Variants in MLLT1 observed in about 807,000 individuals in gnomAD.
The protein encoded by MLLT1 is MLLT1 super elongation complex subunit.
Under a neutral mutation model 55.1 loss-of-function variants are expected in MLLT1, and 11 were observed. The observed-to-expected ratio is 0.20, with a 90% CI of 0.13 to 0.33. The LOEUF (loss-of-function observed/expected upper bound fraction) is 0.33, where lower values mean the gene tolerates loss of function less well. Ranked by LOEUF, MLLT1 falls within the 10% of genes least tolerant of loss-of-function variation. The pLI, the probability that MLLT1 is intolerant of heterozygous loss-of-function variation, is 1.00. For synonymous variants in MLLT1, 323 were observed against 320.1 expected (o/e 1.01, Z -0.10); for missense variants, 536 against 760.6 (o/e 0.70, Z 3.47).
intron 10 of MLLT1, 54 bp downstream of exon 10, chr19:6,213,672 T>A: frequency 9.3e-7 from 1 of 1,075,344 alleles, no homozygotes; most frequent in South Asian, 1.3e-5. Flanking sequence ...TGGCTGCAAC[T>A]CCCACCACCC....
intron 1 of MLLT1, among the ~76,000 whole-genome samples, chr19:6,276,296 T>C (rs2091427779): frequency 6.6e-6 from 1 of 152,118 alleles, no homozygotes; most frequent in East Asian, 1.9e-4. Flanking sequence ...CGGGCAGGTT[T>C]GGGGAGCAGC....
At chr19:6,215,636 C>A in intron 8 of MLLT1, among the ~76,000 whole-genome samples, 1 of 152,204 alleles carries the variant, frequency 6.6e-6, no homozygotes, top group East Asian at 1.9e-4. Flanking sequence ...CTGTGAGGCT[C>A]CCATGCACCT....
chr19:6,258,293 G>A (rs768451542), intron 3 of MLLT1, among the ~76,000 whole-genome samples: 1 of 152,124 alleles, frequency 6.6e-6, no homozygotes, highest in Non-Finnish European at 1.5e-5. Context: ...ATAGCTGTCC[G>A]TCATTCTGTG....
chr19:6,227,474 A>C lies in MLLT1; in HGVS notation c.421-372T>G, dbSNP rs2090966646. On this transcript the variant is annotated intron_variant, in intron 4 of 11. Coordinates refer to ENST00000252674, the MANE Select transcript of MLLT1 (RefSeq NM_005934.4). This position sits in a 1 kb window ranked among gnomAD's most constrained non-coding sequence, Gnocchi z 5.1. ...CGCTTAGGTTTAGGGGGAACAGCTC[A>C]GAAGTGTGAGAGGCCAGCCAGATGC... Among the ~76,000 whole-genome samples, 1 of 152,250 alleles carries C rather than the reference A, an allele frequency of 6.6e-6. No homozygotes were observed. The highest frequency in any genetic ancestry group is 6.5e-5 in the Admixed American group (1 of 15,292).
chr19:6,272,439 AG>A (rs969449288), intron 1 of MLLT1, among the ~76,000 whole-genome samples: 22 of 152,230 alleles, frequency 1.4e-4, no homozygotes, highest in African/African-American at 5.1e-4. Context: ...GGGTGCCCTA[AG>A]CTCGTTTCAA....
In MLLT1 at chr19:6,270,900, T is replaced by C; in HGVS notation, c.13-141A>G. The C allele has an allele frequency of 1.3e-6, 1 of 786,588 alleles. No individual in the cohort carries two copies. The highest frequency in any genetic ancestry group is 1.9e-6 in the Non-Finnish European group (1 of 515,666). The allele number at this position is 786,588 out of a possible 1,614,324, so 48.7% of individuals were successfully genotyped here. A position where few individuals can be genotyped will look rare whatever the true frequency, so the allele number is the denominator to read the frequency against. On this transcript the variant is annotated intron_variant, in intron 1 of 11. Transcript: ENST00000252674. The surrounding 1 kb of genome is among the most constrained non-coding windows in gnomAD (Gnocchi z 7.1). Reference sequence around the variant, plus strand: ...CCCAGTGAGCAGCACACAGACGGCTTCCTATCGCGCCAGCACCTTGCCGCA... The same window carrying C: ...CCCAGTGAGCAGCACACAGACGGCTCCCTATCGCGCCAGCACCTTGCCGCA...
In MLLT1 at chr19:6,211,372, G is replaced by A; in HGVS notation, c.*1670C>T. 1 of 234,984 alleles carries A rather than the reference G, an allele frequency of 4.3e-6. No homozygotes were observed. Among genetic ancestry groups the A allele is most frequent in the East Asian group, 6.1e-5 (1 of 16,412 alleles). 14.6% of individuals were successfully genotyped at this position (234,984 alleles called of 1,614,324 possible). A position where few individuals can be genotyped will look rare whatever the true frequency, so the allele number is the denominator to read the frequency against. ...CGGAGGCTTCCTCCGAAGGTTCTCG[G>A]GCCTTTCCCCGAGAGTTCTGGGGAG... On this transcript the variant is annotated 3_prime_UTR_variant, in exon 12 of 12. Transcript: ENST00000252674. This position sits in a 1 kb window ranked among gnomAD's most constrained non-coding sequence, Gnocchi z 4.6.
rs2091313659 is a variant in MLLT1, at chr19:6,262,450, G to T, written c.194-140C>A. On this transcript the variant is annotated intron_variant, in intron 2 of 11. Coordinates refer to ENST00000252674, the MANE Select transcript of MLLT1 (RefSeq NM_005934.4). This position sits in a 1 kb window ranked among gnomAD's most constrained non-coding sequence, Gnocchi z 4.4. Reference sequence around the variant, plus strand: ...CCTCTCGGGGGTGGCTTTTCAGGAGGTTAAGCCCCCGACAGGATTGACTTC... The same window carrying T: ...CCTCTCGGGGGTGGCTTTTCAGGAGTTTAAGCCCCCGACAGGATTGACTTC... The T allele has an allele frequency of 9.6e-6, 6 of 625,676 alleles. No homozygotes were observed. The East Asian group carries it at 1.6e-4, about 17-fold the overall frequency. 38.8% of individuals were successfully genotyped at this position (625,676 alleles called of 1,614,324 possible). A position where few individuals can be genotyped will look rare whatever the true frequency, so the allele number is the denominator to read the frequency against.
Position 6,270,934 on chromosome 19 carries a change from G to A in MLLT1, c.13-175C>T, listed in dbSNP as rs181918519. ...GCCAGCACCTTGCCGCAGACGTCCC[G>A]TGCCTTCTCCCCTCCGTACTCCCAC... On this transcript the variant is annotated intron_variant, in intron 1 of 11. Coordinates refer to ENST00000252674, the MANE Select transcript of MLLT1 (RefSeq NM_005934.4). This position sits in a 1 kb window ranked among gnomAD's most constrained non-coding sequence, Gnocchi z 7.1. 3.3e-3 allele frequency among the ~76,000 whole-genome samples: 508 copies of A among 152,170 alleles called. 18 individuals carry two copies. Among genetic ancestry groups the A allele is most frequent in the Admixed American group, 0.03 (451 of 15,280 alleles).
At chr19:6,278,816 GAA>G (rs1299166060) in intron 1 of MLLT1, among the ~76,000 whole-genome samples, 3 of 152,190 alleles carry the variant, frequency 2.0e-5, no homozygotes, top group Non-Finnish European at 4.4e-5. Flanking sequence ...GTCTGAAGGT[GAA>G]AGAGACAGCC....
At chr19:6,275,298 G>A (rs2091422419) in intron 1 of MLLT1, among the ~76,000 whole-genome samples, 2 of 152,194 alleles carry the variant, frequency 1.3e-5, no homozygotes, top group South Asian at 2.1e-4. Flanking sequence ...CCCAGGAGAG[G>A]AGAACACTGA....
At chr19:6,242,436 G>A (rs1442614871) in intron 3 of MLLT1, among the ~76,000 whole-genome samples, 1 of 152,228 alleles carries the variant, frequency 6.6e-6, no homozygotes, top group Non-Finnish European at 1.5e-5. Flanking sequence ...GGACATCTGC[G>A]TGTGGGAGGC....
Position 6,270,284 on chromosome 19 carries a change from G to A in MLLT1, c.193+295C>T, listed in dbSNP as rs1015555441. Among the ~76,000 whole-genome samples, 19 of 151,386 alleles carry A rather than the reference G, an allele frequency of 1.3e-4. No homozygotes were observed. The highest frequency in any genetic ancestry group is 4.6e-4 in the Admixed American group (7 of 15,156). ...GCAACTTCCTGATCACTCACCAGCCGGCTGACTTCACCTGTCCCACCCATG... is the reference window on the plus strand; with the variant it reads ...GCAACTTCCTGATCACTCACCAGCCAGCTGACTTCACCTGTCCCACCCATG... On this transcript the variant is annotated intron_variant, in intron 2 of 11. Coordinates refer to ENST00000252674, the MANE Select transcript of MLLT1 (RefSeq NM_005934.4). The surrounding 1 kb of genome is among the most constrained non-coding windows in gnomAD (Gnocchi z 7.1).
At chr19:6,214,140 C>A in intron 8 of MLLT1, 102 bp from the exon 9 acceptor site, 2 of 565,828 alleles carry the variant, frequency 3.5e-6, no homozygotes, top group Non-Finnish European at 5.6e-6. Context: ...GGTGCCTGAG[C>A]CCACACACCC....
In MLLT1 at chr19:6,251,893, T is replaced by C. The variant is rs113367884; in HGVS notation, c.276+10335A>G. 2.5e-3 allele frequency among the ~76,000 whole-genome samples: 376 copies of C among 152,244 alleles called. 2 individuals carry two copies. Among genetic ancestry groups the C allele is most frequent in the African/African-American group, 8.7e-3 (363 of 41,522 alleles). ...CACCTGAGCCCAAGGAGGTCAAGGC[T>C]GCAGTGAGCTGAGATTGTACCACTG... On this transcript the variant is annotated intron_variant, in intron 3 of 11. Coordinates refer to ENST00000252674, the MANE Select transcript of MLLT1 (RefSeq NM_005934.4).
chr19:6,230,515 G>A lies in MLLT1; in HGVS notation c.420+55C>T. ...CTCTGGCTGGGCACAGACGGCCGCA[G>A]CAAAGTAGCCTCGGTGGAGCGGCCC... On this transcript the variant is annotated intron_variant, in intron 4 of 11. Transcript: ENST00000252674. This position sits in a 1 kb window ranked among gnomAD's most constrained non-coding sequence, Gnocchi z 9.0. 5.6e-6 allele frequency: 9 copies of A among 1,599,676 alleles called. No homozygotes were observed. The highest frequency in any genetic ancestry group is 7.7e-6 in the Non-Finnish European group (9 of 1,174,934).
chr19:6,220,932 C>T (rs1600174271), intron 6 of MLLT1, among the ~76,000 whole-genome samples: 2 of 152,162 alleles, frequency 1.3e-5, no homozygotes, highest in South Asian at 4.1e-4. Context: ...CAGATGGTGC[C>T]GTCTTCAGCC....
intron 2 of MLLT1, among the ~76,000 whole-genome samples, chr19:6,266,240 C>T (rs34890541): frequency 0.21 from 30,669 of 145,842 alleles, 3,431 homozygotes; most frequent in Middle Eastern, 0.27. Context: ...CACAACACTG[C>T]ACTCCAGTCT....
chr19:6,255,108 A>C (rs1352729636), intron 3 of MLLT1, among the ~76,000 whole-genome samples: 2 of 152,182 alleles, frequency 1.3e-5, no homozygotes, highest in African/African-American at 2.4e-5. Flanking sequence ...CAAAAACAAA[A>C]TCAGCTGTGC....
Sources: allele counts gnomAD v4.1 joint callset (sites outside exome capture counted in the v4.1 genomes callset), GRCh38; gene constraint gnomAD v4.1.1; non-coding constraint Gnocchi (gnomAD v3.1); transcripts MANE v1.5; gene names NCBI Gene and HGNC (gene_info 2026-07-23, HGNC 2026-07-21).